Variants in GNB5 observed in about 807,000 individuals in gnomAD.
GNB5 encodes the protein guanine nucleotide-binding protein subunit beta-5.
In GNB5, 37 loss-of-function variants were observed where a neutral mutation model predicts 55.3. The observed-to-expected ratio is 0.67, with a 90% confidence interval of 0.51 to 0.88. The LOEUF is 0.88. GNB5 is among the 40% of genes least tolerant of loss of function. The pLI, the probability that GNB5 is intolerant of heterozygous loss-of-function variation, is 0.00. For missense variants in GNB5, 476 were observed against 515.3 expected (o/e 0.92, Z 0.74); for synonymous variants, 219 against 198.5 (o/e 1.10, Z -0.87).
Position 52,121,015 on chromosome 15 carries a change from G to C in GNB5, c.*1742C>G, listed in dbSNP as rs746340016. 6.6e-6 allele frequency: 1 copy of C among 152,256 alleles called. No homozygotes were observed. Among genetic ancestry groups the C allele is most frequent in the Non-Finnish European group, 1.5e-5 (1 of 68,076 alleles). The allele number at this position is 152,256 out of a possible 1,614,324, so 9.4% of individuals were successfully genotyped here. A position where few individuals can be genotyped will look rare whatever the true frequency, so the allele number is the denominator to read the frequency against. Reference sequence around the variant, plus strand: ...GATTTTGGACCGAGTGGCCCATCACGATACCTGAACAAGCAGTTGTGAGGG... The same window carrying C: ...GATTTTGGACCGAGTGGCCCATCACCATACCTGAACAAGCAGTTGTGAGGG... On this transcript the variant is annotated 3_prime_UTR_variant, in exon 13 of 13. Transcript: ENST00000261837.
intron 6 of GNB5, among the ~76,000 whole-genome samples, chr15:52,142,280 A>C (rs147633497): frequency 6.6e-6 from 1 of 152,282 alleles, no homozygotes; most frequent in East Asian, 1.9e-4. Context: ...TGAGACCATA[A>C]AAATATCATT....
At chr15:52,135,061 C>T (rs781434858) in intron 8 of GNB5, among the ~76,000 whole-genome samples, 4 of 151,960 alleles carry the variant, frequency 2.6e-5, no homozygotes, top group Admixed American at 6.6e-5. Flanking sequence ...TCTCTGTGGC[C>T]CTGTCTGCCA....
intron 9 of GNB5, chr15:52,128,805 TTATTACTGCTATAGTCA>T: frequency 2.2e-6 from 1 of 452,574 alleles, no homozygotes; most frequent in South Asian, 1.6e-5. Context: ...TAAATGATAA[TTATTACTGCTATAGTCA>T]TTGTCTTCTC....
At chr15:52,141,014 C>G in intron 7 of GNB5, 126 bp downstream of exon 7, 1 of 697,554 alleles carries the variant, frequency 1.4e-6, no homozygotes. Context: ...ATAGGAGCTT[C>G]CTCTTAGAGC....
chr15:52,159,511 T>C (rs546447231), intron 3 of GNB5, among the ~76,000 whole-genome samples: 1 of 152,262 alleles, frequency 6.6e-6, no homozygotes, highest in East Asian at 1.9e-4. Context: ...CTCTGTGGCC[T>C]CCCTGCTCAG....
At chr15:52,154,383 C>A (rs58151547) in intron 3 of GNB5, among the ~76,000 whole-genome samples, 2 of 152,186 alleles carry the variant, frequency 1.3e-5, no homozygotes, top group African/African-American at 4.8e-5. Context: ...TCATAAAGCA[C>A]TACATAAAAT....
intron 8 of GNB5, among the ~76,000 whole-genome samples, chr15:52,135,030 C>T (rs971420716): frequency 3.9e-5 from 6 of 152,044 alleles, no homozygotes; most frequent in Non-Finnish European, 8.8e-5. Flanking sequence ...ACCCTGACTC[C>T]TAGTCTAGTG....
intron 7 of GNB5, chr15:52,140,359 C>G (rs1454670636): frequency 6.5e-6 from 1 of 153,924 alleles, no homozygotes; most frequent in African/African-American, 2.4e-5. Flanking sequence ...CACCTCTCGG[C>G]TGCCTGCCTC....
intron 4 of GNB5, among the ~76,000 whole-genome samples, chr15:52,151,473 G>A (rs74820417): frequency 0.026 from 4,016 of 152,256 alleles, 70 homozygotes; most frequent in Middle Eastern, 0.051. Context: ...CTATCCCCAA[G>A]CCTTAATCCC....
intron 8 of GNB5, among the ~76,000 whole-genome samples, chr15:52,135,186 C>G (rs1421532070): frequency 6.6e-6 from 1 of 152,078 alleles, no homozygotes; most frequent in Non-Finnish European, 1.5e-5. Flanking sequence ...GGTGGCATCA[C>G]AGCGTTGCCT....
rs2033173221 is a variant in GNB5, at chr15:52,117,674, G to C, written c.*5083C>G. The C allele has an allele frequency of 6.6e-6, 1 of 152,376 alleles. No homozygotes were observed. The highest frequency in any genetic ancestry group is 1.5e-5 in the Non-Finnish European group (1 of 68,168). The allele number at this position is 152,376 out of a possible 1,614,324, so 9.4% of individuals were successfully genotyped here. On this transcript the variant is annotated 3_prime_UTR_variant, in exon 13 of 13. Coordinates refer to ENST00000261837, the MANE Select transcript of GNB5 (RefSeq NM_016194.4). ...GAAGCAGGAGTCTGTGGTATGTCTGGAAGAGTGACCCAATTCTCTCCGGTC... is the reference window on the plus strand; with the variant it reads ...GAAGCAGGAGTCTGTGGTATGTCTGCAAGAGTGACCCAATTCTCTCCGGTC...
At chr15:52,170,701 T>G (rs2034538897) in intron 3 of GNB5, among the ~76,000 whole-genome samples, 1 of 146,528 alleles carries the variant, frequency 6.8e-6, no homozygotes. Flanking sequence ...CCCTGGAACT[T>G]AAAAGCTGAA....
intron 2 of GNB5, among the ~76,000 whole-genome samples, chr15:52,183,663 G>C (rs545260900): frequency 1.3e-4 from 20 of 152,162 alleles, no homozygotes; most frequent in Non-Finnish European, 2.4e-4. Context: ...CTCTTTGGTT[G>C]TATTATGGAT....
chr15:52,179,968 C>A, intron 2 of GNB5, 89 bp from the exon 3 acceptor site: 1 of 1,360,684 alleles, frequency 7.3e-7, no homozygotes, highest in Non-Finnish European at 9.5e-7. Context: ...GTCCCCGGCC[C>A]CGAGCACCGC....
chr15:52,159,990 T>C (rs1490403739), intron 3 of GNB5, among the ~76,000 whole-genome samples: 1 of 151,332 alleles, frequency 6.6e-6, no homozygotes, highest in East Asian at 1.9e-4. Context: ...CTCTGTTGCC[T>C]AGGCTGGAGT....
In GNB5 at chr15:52,126,001, T is replaced by C; in HGVS notation, c.956A>G (p.Tyr319Cys). Residue 319 changes from tyrosine (Y) to cysteine (C), a missense_variant, in exon 11 of 13, where the codon TAT (tyrosine) becomes TGT (cysteine). Coordinates refer to ENST00000261837, the MANE Select transcript of GNB5 (RefSeq NM_016194.4). ...DLRADREVAI[Y>C]SKESIIFGAS... Reference sequence around the variant, plus strand: ...TCCAAATATGATGCTTTCTTTGGAATAGATGGCAACCTCCCTATCTGCCCG... The same window carrying C: ...TCCAAATATGATGCTTTCTTTGGAACAGATGGCAACCTCCCTATCTGCCCG... 6.3e-7 allele frequency: 1 copy of C among 1,590,754 alleles called. No homozygotes were observed. The highest frequency in any genetic ancestry group is 1.1e-5 in the South Asian group (1 of 89,384).
chr15:52,172,321 T>C (rs2034569093), intron 3 of GNB5, among the ~76,000 whole-genome samples: 1 of 151,682 alleles, frequency 6.6e-6, no homozygotes, highest in Non-Finnish European at 1.5e-5. Flanking sequence ...TTTATTTTTA[T>C]TTTTTTGAGA....
chr15:52,190,778 T>TAAAAA (rs58614125), intron 1 of GNB5, among the ~76,000 whole-genome samples: 25 of 96,904 alleles, frequency 2.6e-4, no homozygotes, highest in African/African-American at 1.1e-3. Context: ...CTTATTTCCT[T>TAAAAA]AAAAAAAAAA....
chr15:52,147,244 C>T, intron 6 of GNB5: 2 of 404,524 alleles, frequency 4.9e-6, no homozygotes, highest in Non-Finnish European at 4.5e-6. Flanking sequence ...CTCAAGTGAT[C>T]CTCCCACCTC....
Sources: gnomAD v4.1 joint callset for allele counts (sites outside exome capture counted in the v4.1 genomes callset) on GRCh38, gnomAD v4.1.1 for gene constraint, MANE v1.5 for transcripts, NCBI Gene and HGNC (gene_info 2026-07-23, HGNC 2026-07-21) for gene names.